The following PPARGC1A variants were observed in gnomAD, a reference collection of about 807,000 sequenced individuals.
PPARGC1A encodes peroxisome proliferator-activated receptor gamma coactivator 1-alpha.
Under a neutral mutation model 88.7 loss-of-function variants are expected in PPARGC1A, and 25 were observed. The observed-to-expected ratio is 0.28, with a 90% CI of 0.21 to 0.39. The LOEUF (loss-of-function observed/expected upper bound fraction) is 0.39, where lower values mean the gene tolerates loss of function less well. Among genes scored for constraint, PPARGC1A ranks in the 10% least tolerant of loss-of-function variants. The pLI is 1.00. For synonymous variants in PPARGC1A, 363 were observed against 355.6 expected (o/e 1.02, Z -0.24); for missense variants, 880 against 968.7 (o/e 0.91, Z 1.22).
At chr4:24,097,106 G>T in the PPARGC1A span, among the ~76,000 whole-genome samples, 2 of 152,100 alleles carry the variant, frequency 1.3e-5, no homozygotes, top group Non-Finnish European at 1.5e-5. Flanking sequence ...CAATGGGGAA[G>T]GGAGGGAAGG....
At chr4:23,962,869 C>A in the PPARGC1A span, among the ~76,000 whole-genome samples, 1 of 152,152 alleles carries the variant, frequency 6.6e-6, no homozygotes, top group African/African-American at 2.4e-5. Flanking sequence ...AGAAGGGAGG[C>A]CTCTTAAGCT....
At chr4:23,819,889 T>A (rs1324922270) in intron 7 of PPARGC1A, among the ~76,000 whole-genome samples, 1 of 152,146 alleles carries the variant, frequency 6.6e-6, no homozygotes, top group Non-Finnish European at 1.5e-5. Context: ...TGCTTTTCCT[T>A]TTAAAACTAC....
chr4:24,042,855 T>C, the PPARGC1A span, among the ~76,000 whole-genome samples: 1 of 152,244 alleles, frequency 6.6e-6, no homozygotes, highest in African/African-American at 2.4e-5. Context: ...AATGCATAGA[T>C]ACATAAACTG....
intron 2 of PPARGC1A, among the ~76,000 whole-genome samples, chr4:23,868,536 G>A (rs535204406): frequency 2.6e-5 from 4 of 152,154 alleles, no homozygotes; most frequent in Non-Finnish European, 5.9e-5. Context: ...AGGGACTGAG[G>A]AGGTGATGAG....
the PPARGC1A span, among the ~76,000 whole-genome samples, chr4:23,957,470 C>T: frequency 6.6e-6 from 1 of 152,154 alleles, no homozygotes; most frequent in African/African-American, 2.4e-5. Flanking sequence ...GATAGGCAAT[C>T]GATTTAGCAG....
At chr4:23,960,519 T>A in the PPARGC1A span, among the ~76,000 whole-genome samples, 1 of 152,262 alleles carries the variant, frequency 6.6e-6, no homozygotes, top group Non-Finnish European at 1.5e-5. Context: ...AAGGTAGGAA[T>A]GGCCAAAACC....
At chr4:24,271,785 G>T in the PPARGC1A span, among the ~76,000 whole-genome samples, 46,451 of 151,924 alleles carry the variant, frequency 0.31, 7,991 homozygotes, top group Non-Finnish European at 0.39. Flanking sequence ...TACCTTGGAG[G>T]GGTATTGTAA....
At chr4:23,910,312 A>ATTATATATTATATTAT in the PPARGC1A span, among the ~76,000 whole-genome samples, 65 of 47,440 alleles carry the variant, frequency 1.4e-3, no homozygotes, top group African/African-American at 0.011. Flanking sequence ...CCCTATATAT[A>ATTATATATTATATTAT]ATATTATATA....
At chr4:23,809,490 T>C (rs1560338853) in intron 10 of PPARGC1A, among the ~76,000 whole-genome samples, 1 of 152,200 alleles carries the variant, frequency 6.6e-6, no homozygotes, top group Non-Finnish European at 1.5e-5. Context: ...TACCTTATTC[T>C]TTTTTAGAGA....
chr4:23,794,854 C>T lies in PPARGC1A; in HGVS notation c.*968G>A, dbSNP rs1046446061. On this transcript the variant is annotated 3_prime_UTR_variant, in exon 13 of 13. Transcript: ENST00000264867. ...CCGGTGTCCGCTCCTCAGAAAGAAC[C>T]GCTGAACAAGCTGCACGCTTGACCA... is the stretch of plus-strand genomic sequence containing the variant. 2 of 152,348 alleles carry T rather than the reference C, an allele frequency of 1.3e-5. No homozygotes were observed. The highest frequency in any genetic ancestry group is 1.5e-5 in the Non-Finnish European group (1 of 67,986). The allele number at this position is 152,348 out of a possible 1,614,324, so 9.4% of individuals were successfully genotyped here.
At chr4:24,280,235 C>T in the PPARGC1A span, among the ~76,000 whole-genome samples, 4 of 152,204 alleles carry the variant, frequency 2.6e-5, no homozygotes, top group African/African-American at 9.7e-5. Context: ...GATTTGTACT[C>T]GTGGAATTTG....
chr4:24,404,689 C>T, the PPARGC1A span, among the ~76,000 whole-genome samples: 2 of 152,258 alleles, frequency 1.3e-5, no homozygotes, highest in Admixed American at 6.5e-5. Context: ...CAAATGGTGG[C>T]CACTGGCAAC....
upstream of PPARGC1A, among the ~76,000 whole-genome samples, chr4:23,900,926 T>C (rs1008711159): frequency 6.6e-6 from 1 of 152,188 alleles, no homozygotes; most frequent in African/African-American, 2.4e-5. Context: ...ATTTCTCTGT[T>C]AAGAAATAAA....
At chr4:24,113,252 G>A in the PPARGC1A span, among the ~76,000 whole-genome samples, 3 of 152,164 alleles carry the variant, frequency 2.0e-5, no homozygotes, top group Non-Finnish European at 2.9e-5. Context: ...CGTTCAGTAG[G>A]TGAGTAGGTA....
upstream of PPARGC1A, among the ~76,000 whole-genome samples, chr4:23,907,079 CA>C (rs1720130723): frequency 6.6e-6 from 1 of 152,060 alleles, no homozygotes; most frequent in Admixed American, 6.6e-5. Context: ...AACACAAAAC[CA>C]GAAGAGACTG....
the PPARGC1A span, among the ~76,000 whole-genome samples, chr4:24,220,648 T>G: frequency 2.0e-5 from 3 of 152,166 alleles, no homozygotes; most frequent in African/African-American, 7.2e-5. Context: ...ATGCACGTTC[T>G]CACTTATAAG....
the PPARGC1A span, among the ~76,000 whole-genome samples, chr4:24,339,233 T>TACACACAC: frequency 1.2e-4 from 14 of 119,258 alleles, no homozygotes; most frequent in African/African-American, 3.9e-4. Context: ...TATATATATA[T>TACACACAC]ATATACACAC....
At chr4:24,096,273 A>G in the PPARGC1A span, among the ~76,000 whole-genome samples, 1 of 152,212 alleles carries the variant, frequency 6.6e-6, no homozygotes, top group East Asian at 1.9e-4. Context: ...TTAAGCCTGC[A>G]TAACTGAGAG....
At chr4:24,460,653 A>G in the PPARGC1A span, among the ~76,000 whole-genome samples, 1 of 152,174 alleles carries the variant, frequency 6.6e-6, no homozygotes, top group East Asian at 1.9e-4. Flanking sequence ...AGATGATTCC[A>G]TTCTCTTTTA....
Sources: gnomAD v4.1 joint callset for allele counts (sites outside exome capture counted in the v4.1 genomes callset) on GRCh38, gnomAD v4.1.1 for gene constraint, MANE v1.5 for transcripts, NCBI Gene and HGNC (gene_info 2026-07-23, HGNC 2026-07-21) for gene names.